DNAH2: variants seen among roughly 807,000 people sequenced by gnomAD.
DNAH2 encodes dynein axonemal heavy chain 2.
DNAH2 carries 323 observed loss-of-function variants against 523.5 expected under a neutral mutation model. The observed-to-expected ratio is 0.62, with a 90% CI of 0.56 to 0.68. The LOEUF is 0.68. DNAH2 is among the 30% of genes least tolerant of loss of function. DNAH2 has a pLI of 0.00. For synonymous variants in DNAH2, 2,093 were observed against 2,177.4 expected (o/e 0.96, Z 1.08); for missense variants, 4,907 against 5,701.5 (o/e 0.86, Z 4.49).
chr17:7,801,954 A>G lies in DNAH2; in HGVS notation c.8909A>G (p.Glu2970Gly). ...VAQYSQKMLL[E>G]LRRHNYVTPT... ...CAGTATTCCCAGAAGATGCTGTTGG[A>G]ACTGCGGAGACACAACTATGTCACA... is the stretch of plus-strand genomic sequence containing the variant. The change falls in exon 58 of 86, where the codon GAA becomes GGA. Residue 2970 changes from glutamate (E) to glycine (G), a missense_variant. By Grantham distance (98) the Glu-to-Gly change is moderately conservative (BLOSUM62 -2). Around this residue, in one of 3 missense-constraint regions of DNAH2, gnomAD observed 1,851 missense variants for 2,139.4 expected, o/e 0.87. Coordinates refer to ENST00000572933, the MANE Select transcript of DNAH2 (RefSeq NM_020877.5). The G allele has an allele frequency of 1.2e-6, 2 of 1,614,220 alleles. No individual in the cohort carries two copies. The highest frequency in any genetic ancestry group is 1.7e-6 in the Non-Finnish European group (2 of 1,180,038).
At chr17:7,750,188 C>T (rs1488961536) in intron 12 of DNAH2, among the ~76,000 whole-genome samples, 1 of 152,116 alleles carries the variant, frequency 6.6e-6, no homozygotes, top group East Asian at 1.9e-4. Flanking sequence ...CTGGCCACCT[C>T]ATTATTTTTG....
At chr17:7,819,924 CACCCACA>C (rs1209539717) in intron 72 of DNAH2, among the ~76,000 whole-genome samples, 5 of 152,190 alleles carry the variant, frequency 3.3e-5, no homozygotes, top group Admixed American at 6.5e-5. Context: ...ATGGCACCAA[CACCCACA>C]ACCCAGTCAC....
chr17:7,779,353 C>G lies in DNAH2; in HGVS notation c.5652C>G (p.Thr1884=), dbSNP rs916550481. The G allele has an allele frequency of 3.1e-6, 5 of 1,614,098 alleles. No homozygotes were observed. The highest frequency in any genetic ancestry group is 4.2e-6 in the Non-Finnish European group (5 of 1,180,010). Residue 1884 remains threonine, a synonymous_variant, in exon 36 of 86, where the codon ACC becomes ACG. Transcript: ENST00000572933. Reference sequence around the variant, plus strand: ...TGTCTGCCCTGGCTGCCGGCCTCACCCATTTCCATTTTGATGGCTTTGAAA... The same window carrying G: ...TGTCTGCCCTGGCTGCCGGCCTCACGCATTTCCATTTTGATGGCTTTGAAA... ...CILSALAAGL[T]HFHFDGFEIN...
In DNAH2 at chr17:7,817,312, A is replaced by T. The variant is rs766890109; in HGVS notation, c.9917A>T (p.Tyr3306Phe). The T allele has an allele frequency of 7.5e-5, 121 of 1,603,896 alleles. 2 individuals are homozygous for T. In the East Asian group the frequency reaches 2.6e-3, roughly 35 times the overall value. Residue 3306 changes from tyrosine (Y) to phenylalanine (F), a missense_variant, in exon 65 of 86, where the codon TAC (tyrosine) becomes TTC (phenylalanine). By Grantham distance (22) the Tyr-to-Phe change is conservative (BLOSUM62 3). Coordinates refer to ENST00000572933, the MANE Select transcript of DNAH2 (RefSeq NM_020877.5). ...TVQGLEEDLG[Y>F]LVGDCLLAAA... ...CAGGGCCTGGAGGAGGACCTGGGCT[A>T]CCTGGTGGGGGACTGTCTCCTGGCA...
chr17:7,783,278 T>C (rs957531625), intron 39 of DNAH2, among the ~76,000 whole-genome samples: 2 of 152,024 alleles, frequency 1.3e-5, no homozygotes, highest in African/African-American at 2.4e-5. Context: ...GGTTTCTCCA[T>C]GTTGGTCAGG....
Position 7,797,786 on chromosome 17 carries a change from C to T in DNAH2, c.8187C>T (p.Val2729=), listed in dbSNP as rs199516071. The T allele has an allele frequency of 8.1e-5, 130 of 1,613,936 alleles. 1 individual carries two copies. The East Asian group carries it at 2.1e-3, about 27-fold the overall frequency. Residue 2729 remains valine (V), a synonymous_variant, in exon 53 of 86, where the codon GTC becomes GTT. Coordinates refer to ENST00000572933, the MANE Select transcript of DNAH2 (RefSeq NM_020877.5). The part of the protein sequence containing the change: ...ALNEYNLSPS[V]VPMQLVLFRE... ...ATGAGTATAACCTGTCACCCTCTGT[C>T]GTGCCCATGCAGCTAGTGCTCTTCC...
At chr17:7,766,575 A>G (rs1432678055) in intron 22 of DNAH2, 94 bp downstream of exon 22, 1 of 1,278,628 alleles carries the variant, frequency 7.8e-7, no homozygotes, top group Non-Finnish European at 1.0e-6. Flanking sequence ...GTGGGAAGGG[A>G]GAGGAGCTCA....
At chr17:7,727,402 G>A in intron 4 of DNAH2, 110 bp downstream of exon 4, 2 of 1,394,670 alleles carry the variant, frequency 1.4e-6, no homozygotes, top group East Asian at 5.2e-5. Context: ...GGCCTATTGA[G>A]CCCCACTGTG....
chr17:7,798,567 G>A lies in DNAH2; in HGVS notation c.8408G>A (p.Arg2803His), dbSNP rs749779632. 92 of 1,613,928 alleles carry A rather than the reference G, an allele frequency of 5.7e-5. No homozygotes were observed. The highest frequency in any genetic ancestry group is 2.3e-4 in the Admixed American group (14 of 59,998). The part of the protein sequence containing the change: ...RKQEFRDDIK[R>H]LYRQAGVELK... Reference sequence around the variant, plus strand: ...TCCCTCCCCCGGCCAGATATCAAGCGTCTGTATCGCCAGGCTGGGGTGGAG... The same window carrying A: ...TCCCTCCCCCGGCCAGATATCAAGCATCTGTATCGCCAGGCTGGGGTGGAG... The change falls in exon 55 of 86, where the codon CGT becomes CAT. Residue 2803 changes from arginine to histidine, a missense_variant. This residue lies in a region of DNAH2 where 1,851 missense variants were observed against 2,139.4 expected (regional missense o/e 0.87). Transcript: ENST00000572933. The surrounding 1 kb of genome is among the most constrained non-coding windows in gnomAD (Gnocchi z 5.5).
At chr17:7,759,163 C>T in intron 15 of DNAH2, 39 bp downstream of exon 15, 2 of 1,609,150 alleles carry the variant, frequency 1.2e-6, no homozygotes, top group Middle Eastern at 1.9e-4. Context: ...GTTGGAAAAA[C>T]CACAGTCCCC....
At position 7,821,469 on chromosome 17, in the gene DNAH2, C is replaced by A; in HGVS notation, c.11142+100C>A. ...CAGACCCAGAGGGTCAGGCCCACAG[C>A]ATCAGTGAGTGAGCTGAGAAAATCC... On this transcript the variant is annotated intron_variant, in intron 73 of 85. Transcript: ENST00000572933. This position sits in a 1 kb window ranked among gnomAD's most constrained non-coding sequence, Gnocchi z 5.0. 1 of 1,433,750 alleles carries A rather than the reference C, an allele frequency of 7.0e-7. No homozygotes were observed. Among genetic ancestry groups the A allele is most frequent in the Non-Finnish European group, 9.3e-7 (1 of 1,075,924 alleles). 88.8% of individuals were successfully genotyped at this position (1,433,750 alleles called of 1,614,324 possible).
At chr17:7,744,293 CAAA>C (rs397977899) in intron 12 of DNAH2, among the ~76,000 whole-genome samples, 2 of 37,112 alleles carry the variant, frequency 5.4e-5, no homozygotes, top group Non-Finnish European at 1.2e-4. Context: ...GTCTCCGTCT[CAAA>C]AAAAAAAAAA....
In DNAH2 at chr17:7,819,192, C is replaced by T; in HGVS notation, c.10816-17C>T. 1 of 1,612,472 alleles carries T rather than the reference C, an allele frequency of 6.2e-7. No individual in the cohort carries two copies. Among genetic ancestry groups the T allele is most frequent in the South Asian group, 1.1e-5 (1 of 91,078 alleles). On this transcript the variant is annotated splice_polypyrimidine_tract_variant and intron_variant, in intron 71 of 85. Transcript: ENST00000572933. Reference sequence around the variant, plus strand: ...ACGTCCCTCAGTGGCCCTGACTCCACCCATCCCCACCGGCAGGCTTACCGC... The same window carrying T: ...ACGTCCCTCAGTGGCCCTGACTCCATCCATCCCCACCGGCAGGCTTACCGC...
intron 61 of DNAH2, 34 bp downstream of exon 61, chr17:7,805,427 C>T (rs2077343138): frequency 6.2e-7 from 1 of 1,613,456 alleles, no homozygotes; most frequent in Non-Finnish European, 8.5e-7. Flanking sequence ...ATGACTTCCA[C>T]TCACCCAGTG....
chr17:7,748,715 C>T (rs996566090), intron 12 of DNAH2, among the ~76,000 whole-genome samples: 4 of 151,696 alleles, frequency 2.6e-5, no homozygotes, highest in African/African-American at 9.7e-5. Flanking sequence ...AGGCTGGTCT[C>T]GAACTCCTGA....
rs1193383609 is a variant in DNAH2, at chr17:7,719,734, G to C, written c.-1G>C. The C allele has an allele frequency of 6.2e-7, 1 of 1,614,196 alleles. No homozygotes were observed. The highest frequency in any genetic ancestry group is 8.5e-7 in the Non-Finnish European group (1 of 1,180,042). ...GTATACCTGTAGGTTTTGCCTGCAC[G>C]ATGTCCAGCAAAGCTGAGAAGAAGC... On this transcript the variant is annotated 5_prime_UTR_variant, in exon 2 of 86. Coordinates refer to ENST00000572933, the MANE Select transcript of DNAH2 (RefSeq NM_020877.5).
At chr17:7,787,310 G>A (rs2076767801) in intron 42 of DNAH2, 2 of 522,668 alleles carry the variant, frequency 3.8e-6, no homozygotes, top group Non-Finnish European at 6.8e-6. Context: ...GCATGAGGCA[G>A]GACCCTCGTT....
intron 58 of DNAH2, 52 bp from the exon 59 acceptor site, chr17:7,804,204 G>A (rs1379359378): frequency 3.8e-5 from 60 of 1,592,048 alleles, no homozygotes; most frequent in African/African-American, 6.7e-5. Flanking sequence ...ACAGGACACC[G>A]CGCTTTCCGG....
Position 7,741,767 on chromosome 17 carries a change from C to T in DNAH2, c.1689+775C>T, listed in dbSNP as rs148177716. The stretch of plus-strand genomic sequence containing the variant: ...GCAACCTTCGCCTCCCAGGTCCAAG[C>T]GATTCTCCTGCCTTAGCCTCTCAGG... On this transcript the variant is annotated intron_variant, in intron 11 of 85. Coordinates refer to ENST00000572933, the MANE Select transcript of DNAH2 (RefSeq NM_020877.5). 2.0e-3 allele frequency among the ~76,000 whole-genome samples: 307 copies of T among 151,988 alleles called. 2 individuals are homozygous for T. Among genetic ancestry groups the T allele is most frequent in the African/African-American group, 7.1e-3 (296 of 41,454 alleles).
Sources: allele counts gnomAD v4.1 joint callset (sites outside exome capture counted in the v4.1 genomes callset), GRCh38; gene constraint gnomAD v4.1.1; regional missense constraint gnomAD v4.1.1; non-coding constraint Gnocchi (gnomAD v3.1); transcripts MANE v1.5; gene names NCBI Gene and HGNC (gene_info 2026-07-23, HGNC 2026-07-21).